The following SLC4A4 variants were observed in gnomAD, a reference collection of about 807,000 sequenced individuals.
The protein encoded by SLC4A4 is solute carrier family 4 member 4.
A neutral mutation model predicts 111.5 loss-of-function variants in SLC4A4; 27 were observed. That is an observed-to-expected ratio of 0.24 (90% confidence interval 0.18 to 0.33). The LOEUF (loss-of-function observed/expected upper bound fraction) is 0.33. Ranked by LOEUF, SLC4A4 falls within the 10% of genes least tolerant of loss-of-function variation. The probability of loss-of-function intolerance (pLI) is 1.00; values close to 1 mark genes in which losing one functional copy is unlikely to be tolerated. For synonymous variants in SLC4A4, 443 were observed against 463.4 expected (o/e 0.96, Z 0.57); for missense variants, 909 against 1,315.5 (o/e 0.69, Z 4.78).
chr4:71,124,200 G>A (rs920421528), intron 2 of SLC4A4, among the ~76,000 whole-genome samples: 1 of 144,612 alleles, frequency 6.9e-6, no homozygotes. Context: ...TTGTGACAGA[G>A]TCTTGCCCTG....
intron 2 of SLC4A4, among the ~76,000 whole-genome samples, chr4:71,133,816 A>G (rs1339302705): frequency 6.6e-6 from 1 of 152,138 alleles, no homozygotes; most frequent in Non-Finnish European, 1.5e-5. Flanking sequence ...CCGTTGCTCA[A>G]AGTCTTAGGG....
intron 3 of SLC4A4, among the ~76,000 whole-genome samples, chr4:71,288,574 T>C (rs943419540): frequency 6.6e-6 from 1 of 152,014 alleles, no homozygotes; most frequent in African/African-American, 2.4e-5. Flanking sequence ...AATTTTTGTG[T>C]TTTTAGTAGA....
At chr4:71,158,126 TGTG>T (rs1744525753) in intron 2 of SLC4A4, among the ~76,000 whole-genome samples, 1 of 151,622 alleles carries the variant, frequency 6.6e-6, no homozygotes, top group Non-Finnish European at 1.5e-5. Context: ...TGTGTGTGTG[TGTG>T]TGTGTGTGTG....
At chr4:71,481,770 A>G (rs1728904248) in intron 14 of SLC4A4, among the ~76,000 whole-genome samples, 1 of 151,764 alleles carries the variant, frequency 6.6e-6, no homozygotes, top group South Asian at 2.1e-4. Context: ...CCCTCATTCC[A>G]GAAAATCAGC....
At chr4:71,304,514 C>T (rs1415021943) in intron 3 of SLC4A4, among the ~76,000 whole-genome samples, 1 of 152,228 alleles carries the variant, frequency 6.6e-6, no homozygotes, top group Non-Finnish European at 1.5e-5. Context: ...ACCTTCTTTA[C>T]TCAGTCTACT....
intron 3 of SLC4A4, among the ~76,000 whole-genome samples, chr4:71,275,752 C>T (rs1219581947): frequency 2.0e-5 from 3 of 152,254 alleles, no homozygotes; most frequent in Non-Finnish European, 4.4e-5. Flanking sequence ...TTCAGTACCA[C>T]ACCACATTTC....
At chr4:71,264,779 T>G (rs1012841094) in intron 3 of SLC4A4, among the ~76,000 whole-genome samples, 3 of 152,042 alleles carry the variant, frequency 2.0e-5, no homozygotes, top group African/African-American at 7.2e-5. Context: ...CAAAAGGATT[T>G]TAGATTATTT....
intron 3 of SLC4A4, among the ~76,000 whole-genome samples, chr4:71,322,805 C>G (rs1293184494): frequency 6.6e-6 from 1 of 151,990 alleles, no homozygotes; most frequent in African/African-American, 2.4e-5. Flanking sequence ...ATATTCTTTA[C>G]CATTTCAATT....
intron 2 of SLC4A4, among the ~76,000 whole-genome samples, chr4:71,179,916 C>A (rs10021894): frequency 0.18 from 27,476 of 152,024 alleles, 5,590 homozygotes; most frequent in African/African-American, 0.5. Context: ...CCAAAAGAAC[C>A]AAGCTGGAGG....
At chr4:71,380,708 G>A (rs886466481) in intron 6 of SLC4A4, among the ~76,000 whole-genome samples, 9 of 152,136 alleles carry the variant, frequency 5.9e-5, no homozygotes, top group Non-Finnish European at 1.0e-4. Flanking sequence ...TATCTGACAC[G>A]GAGTGTTTGA....
chr4:71,290,084 G>GA (rs1023645477), intron 3 of SLC4A4, among the ~76,000 whole-genome samples: 1 of 151,878 alleles, frequency 6.6e-6, no homozygotes, highest in African/African-American at 2.4e-5. Flanking sequence ...GCTGGGTTAG[G>GA]AAAAAAAATG....
intron 4 of SLC4A4, among the ~76,000 whole-genome samples, chr4:71,348,635 A>G (rs1729543268): frequency 6.6e-6 from 1 of 152,168 alleles, no homozygotes; most frequent in African/African-American, 2.4e-5. Context: ...AAGTCTTTAG[A>G]TACGGCTAAA....
At chr4:71,138,530 T>A (rs909995140) in intron 2 of SLC4A4, among the ~76,000 whole-genome samples, 1 of 152,192 alleles carries the variant, frequency 6.6e-6, no homozygotes, top group Non-Finnish European at 1.5e-5. Flanking sequence ...TCGGTTCATA[T>A]TATCTTCAAG....
At chr4:71,123,148 A>C (rs1427284398) in intron 2 of SLC4A4, among the ~76,000 whole-genome samples, 1 of 152,224 alleles carries the variant, frequency 6.6e-6, no homozygotes, top group Non-Finnish European at 1.5e-5. Context: ...AAGATACGAG[A>C]CTTAAAGAAG....
intron 2 of SLC4A4, among the ~76,000 whole-genome samples, chr4:71,246,921 G>A (rs967144993): frequency 3.3e-5 from 5 of 152,012 alleles, no homozygotes; most frequent in African/African-American, 7.2e-5. Flanking sequence ...AGGCTGAACC[G>A]GTTAAAGTGA....
chr4:71,100,991 G>A (rs1742712756), intron 2 of SLC4A4, among the ~76,000 whole-genome samples: 1 of 152,202 alleles, frequency 6.6e-6, no homozygotes, highest in South Asian at 2.1e-4. Flanking sequence ...TGGGCGTGGT[G>A]GCTCACGCCT....
At chr4:71,257,076 A>G (rs1020830561) in intron 3 of SLC4A4, among the ~76,000 whole-genome samples, 6 of 152,210 alleles carry the variant, frequency 3.9e-5, no homozygotes, top group Admixed American at 2.0e-4. Context: ...ATAGGTCATA[A>G]GGAATGAACA....
intron 14 of SLC4A4, among the ~76,000 whole-genome samples, chr4:71,483,384 C>T (rs1024891023): frequency 1.3e-5 from 2 of 151,888 alleles, no homozygotes; most frequent in African/African-American, 4.8e-5. Context: ...TCCATGTGTT[C>T]TCATCATTTA....
intron 2 of SLC4A4, among the ~76,000 whole-genome samples, chr4:71,099,928 C>A (rs1467098132): frequency 2.0e-5 from 3 of 152,044 alleles, no homozygotes; most frequent in Non-Finnish European, 4.4e-5. Flanking sequence ...CTGAAGAGAC[C>A]AATAATGAGC....
Sources: gnomAD v4.1 joint callset for allele counts (sites outside exome capture counted in the v4.1 genomes callset) on GRCh38, gnomAD v4.1.1 for gene constraint, MANE v1.5 for transcripts, NCBI Gene and HGNC (gene_info 2026-07-23, HGNC 2026-07-21) for gene names.